Variants in CNTNAP2 observed in about 807,000 individuals in gnomAD.
CNTNAP2 encodes the protein contactin associated protein 2.
Under a neutral mutation model 155.2 loss-of-function variants are expected in CNTNAP2, and 98 were observed. The observed-to-expected ratio is 0.63, with a 90% confidence interval of 0.54 to 0.75. CNTNAP2 has a LOEUF of 0.75. Ranked by LOEUF, CNTNAP2 falls within the 30% of genes least tolerant of loss-of-function variation. CNTNAP2 has a pLI of 0.00. For synonymous variants in CNTNAP2, 651 were observed against 631.2 expected (o/e 1.03, Z -0.47); for missense variants, 1,727 against 1,688.1 (o/e 1.02, Z -0.40).
At chr7:147,064,582 C>A (rs10257261) in intron 4 of CNTNAP2, among the ~76,000 whole-genome samples, 29,980 of 152,006 alleles carry the variant, frequency 0.2, 3,186 homozygotes, top group East Asian at 0.3. Context: ...GCACACACAC[C>A]GCCTTTCTTT....
At chr7:146,895,458 T>C (rs972143267) in intron 3 of CNTNAP2, among the ~76,000 whole-genome samples, 4 of 152,114 alleles carry the variant, frequency 2.6e-5, no homozygotes, top group East Asian at 3.9e-4. Context: ...TGGATTAGGA[T>C]GTAATTAGCT....
chr7:147,512,411 C>T (rs1799038144), intron 11 of CNTNAP2, among the ~76,000 whole-genome samples: 1 of 152,158 alleles, frequency 6.6e-6, no homozygotes, highest in Non-Finnish European at 1.5e-5. Flanking sequence ...ATTGTCCATA[C>T]AACAGTTCCT....
chr7:147,707,477 T>G (rs1446052684), intron 13 of CNTNAP2, among the ~76,000 whole-genome samples: 3 of 152,242 alleles, frequency 2.0e-5, no homozygotes, highest in African/African-American at 7.2e-5. Context: ...GATGAAGATT[T>G]TCTGGGGACA....
intron 21 of CNTNAP2, among the ~76,000 whole-genome samples, chr7:148,373,165 A>ATTT (rs1563063190): frequency 6.6e-6 from 1 of 151,236 alleles, no homozygotes; most frequent in Non-Finnish European, 1.5e-5. Flanking sequence ...ATAAAAAATA[A>ATTT]AAAAAAAGTA....
rs1799960875 is a variant in CNTNAP2 at position 146,654,276 on chromosome 7, G to T, written c.98-119995G>T. Among the ~76,000 whole-genome samples the T allele has an allele frequency of 2.0e-5, 3 of 152,038 alleles. No individual in the cohort carries two copies. In the South Asian group the frequency reaches 6.2e-4, roughly 32 times the overall value. On this transcript the variant is annotated intron_variant, in intron 1 of 23. Coordinates refer to ENST00000361727, the MANE Select transcript of CNTNAP2 (RefSeq NM_014141.6). ...CTGTCAGGGAGCTGGGCCAGTCTCAGCAGGACAGCGGCTCCAAGCAGATAG... is the reference window on the plus strand; with the variant it reads ...CTGTCAGGGAGCTGGGCCAGTCTCATCAGGACAGCGGCTCCAAGCAGATAG...
At chr7:148,358,524 G>C (rs538617515) in intron 21 of CNTNAP2, among the ~76,000 whole-genome samples, 12 of 152,280 alleles carry the variant, frequency 7.9e-5, no homozygotes, top group African/African-American at 2.6e-4. Flanking sequence ...AGCCTGGTGA[G>C]GTCTCATCCA....
chr7:147,203,091 A>G (rs1310204786), intron 8 of CNTNAP2, among the ~76,000 whole-genome samples: 1 of 151,988 alleles, frequency 6.6e-6, no homozygotes, highest in African/African-American at 2.4e-5. Context: ...ATTGAGCTGT[A>G]TAGACATATA....
At chr7:146,229,578 G>T (rs1799350889) in intron 1 of CNTNAP2, among the ~76,000 whole-genome samples, 1 of 152,006 alleles carries the variant, frequency 6.6e-6, no homozygotes, top group South Asian at 2.1e-4. Flanking sequence ...CGCTGACAGA[G>T]AATGCATTGT....
At chr7:147,751,816 A>C (rs781321192) in intron 13 of CNTNAP2, among the ~76,000 whole-genome samples, 15 of 152,234 alleles carry the variant, frequency 9.9e-5, no homozygotes, top group Non-Finnish European at 1.9e-4. Flanking sequence ...AGGTACCTGC[A>C]TTATACTAGT....
intron 1 of CNTNAP2, among the ~76,000 whole-genome samples, chr7:146,457,436 A>AT (rs1796570660): frequency 7.3e-6 from 1 of 136,504 alleles, no homozygotes; most frequent in African/African-American, 2.8e-5. Context: ...TTGAAGCTAT[A>AT]AATGAATCAA....
At chr7:148,207,767 C>T (rs1440905515) in intron 18 of CNTNAP2, among the ~76,000 whole-genome samples, 2 of 152,066 alleles carry the variant, frequency 1.3e-5, no homozygotes, top group Non-Finnish European at 2.9e-5. Flanking sequence ...CTGTGAAGGA[C>T]AGATTATAGG....
intron 13 of CNTNAP2, among the ~76,000 whole-genome samples, chr7:147,740,005 G>A (rs1218385053): frequency 6.6e-6 from 1 of 152,132 alleles, no homozygotes; most frequent in Non-Finnish European, 1.5e-5. Context: ...ACAACTCCAG[G>A]TGTCTGTGTA....
chr7:147,254,627 G>A (rs576538813), intron 8 of CNTNAP2, among the ~76,000 whole-genome samples: 1 of 151,952 alleles, frequency 6.6e-6, no homozygotes, highest in African/African-American at 2.4e-5. Context: ...CCTAGTTTTG[G>A]TTATATATGG....
At chr7:148,089,129 A>C (rs1417911944) in intron 15 of CNTNAP2, among the ~76,000 whole-genome samples, 4 of 152,034 alleles carry the variant, frequency 2.6e-5, no homozygotes, top group African/African-American at 9.7e-5. Context: ...AACACTCAGC[A>C]AATTAGGTAC....
At chr7:146,482,475 T>A (rs1485154115) in intron 1 of CNTNAP2, among the ~76,000 whole-genome samples, 1 of 152,022 alleles carries the variant, frequency 6.6e-6, no homozygotes, top group African/African-American at 2.4e-5. Flanking sequence ...TTGGTCACAG[T>A]GGCTCATGCC....
At chr7:146,682,538 C>T (rs1800522843) in intron 1 of CNTNAP2, among the ~76,000 whole-genome samples, 1 of 152,098 alleles carries the variant, frequency 6.6e-6, no homozygotes, top group Non-Finnish European at 1.5e-5. Flanking sequence ...ACCTTCATTT[C>T]TGGGTTGCAC....
intron 9 of CNTNAP2, among the ~76,000 whole-genome samples, chr7:147,336,962 T>C (rs1262320553): frequency 6.6e-6 from 1 of 152,174 alleles, no homozygotes; most frequent in Non-Finnish European, 1.5e-5. Context: ...AGCCAAGTTA[T>C]GTCCCCCACC....
intron 8 of CNTNAP2, among the ~76,000 whole-genome samples, chr7:147,193,416 C>T (rs990290362): frequency 1.7e-4 from 26 of 152,142 alleles, no homozygotes; most frequent in Admixed American, 1.4e-3. Context: ...CATTCAAAAG[C>T]AGTGTTAAGC....
chr7:147,793,168 G>A (rs559299110), intron 13 of CNTNAP2, among the ~76,000 whole-genome samples: 4 of 151,800 alleles, frequency 2.6e-5, no homozygotes, highest in South Asian at 2.1e-4. Flanking sequence ...ATCTTTTGAC[G>A]CCCAAATATT....
Sources: gnomAD v4.1 joint callset for allele counts (sites outside exome capture counted in the v4.1 genomes callset) on GRCh38, gnomAD v4.1.1 for gene constraint, MANE v1.5 for transcripts, NCBI Gene and HGNC (gene_info 2026-07-23, HGNC 2026-07-21) for gene names.